COA8: variants seen among roughly 807,000 people sequenced by gnomAD.
COA8 encodes the protein cytochrome c oxidase assembly factor 8.
COA8 carries 20 observed loss-of-function variants against 22.0 expected under a neutral mutation model. The ratio of observed to expected loss-of-function variants is 0.91; its 90% CI spans 0.64 to 1.32. The LOEUF is 1.32. Ranked by LOEUF, COA8 falls within the 40% of genes most tolerant of loss-of-function variation. The pLI is 0.00. For missense variants in COA8, 266 were observed against 230.0 expected (o/e 1.16, Z -1.01); for synonymous variants, 105 against 79.9 (o/e 1.31, Z -1.68).
Position 103,581,741 on chromosome 14 carries a change from G to A in COA8, c.386-5533G>A, listed in dbSNP as rs10151974. 1,917 of 397,420 alleles carry A rather than the reference G, an allele frequency of 4.8e-3. 37 individuals carry two copies. Among genetic ancestry groups the A allele is most frequent in the African/African-American group, 0.036 (1,777 of 48,722 alleles). 24.6% of individuals were successfully genotyped at this position (397,420 alleles called of 1,614,324 possible). Reference sequence around the variant, plus strand: ...AGAACTGAAGGGAAAAGCAGAGCAGGGGGCTGTAGAGTTAAACTGTTCTTC... The same window carrying A: ...AGAACTGAAGGGAAAAGCAGAGCAGAGGGCTGTAGAGTTAAACTGTTCTTC... On this transcript the variant is annotated intron_variant, in intron 3 of 4. Transcript: ENST00000409074. This position sits in a 1 kb window ranked among gnomAD's most constrained non-coding sequence, Gnocchi z 4.1.
intron 1 of COA8, among the ~76,000 whole-genome samples, chr14:103,567,200 C>G (rs576070255): frequency 4.6e-5 from 7 of 152,156 alleles, no homozygotes; most frequent in South Asian, 4.1e-4. Context: ...TGGTGAAACA[C>G]CGTCTCTACT....
chr14:103,588,193 A>G (rs1279074548), intron 4 of COA8: 2 of 383,846 alleles, frequency 5.2e-6, no homozygotes, highest in Non-Finnish European at 9.2e-6. Flanking sequence ...GGTGAAATTA[A>G]TAGGACATGA....
chr14:103,583,439 G>A (rs1207502166), intron 3 of COA8, among the ~76,000 whole-genome samples: 1 of 151,300 alleles, frequency 6.6e-6, no homozygotes, highest in African/African-American at 2.4e-5. Context: ...TACTCGGGAG[G>A]CTGAAGCAGG....
chr14:103,574,300 T>A, intron 3 of COA8, 130 bp downstream of exon 3: 1 of 1,229,646 alleles, frequency 8.1e-7, no homozygotes, highest in Non-Finnish European at 1.2e-6. Flanking sequence ...GGGGCAGTGC[T>A]CGGCACACCC....
intron 3 of COA8, among the ~76,000 whole-genome samples, chr14:103,575,279 C>T (rs1329875805): frequency 6.6e-6 from 1 of 152,258 alleles, no homozygotes; most frequent in African/African-American, 2.4e-5. Context: ...AGCCACTCTC[C>T]TAACAGATGG....
At chr14:103,585,790 G>T (rs929217812) in intron 3 of COA8, among the ~76,000 whole-genome samples, 1 of 151,788 alleles carries the variant, frequency 6.6e-6, no homozygotes, top group Admixed American at 6.6e-5. Context: ...TGGCCAGGAT[G>T]GTCTCGATCT....
chr14:103,576,379 C>G (rs1555413298), intron 3 of COA8, among the ~76,000 whole-genome samples: 1 of 152,148 alleles, frequency 6.6e-6, no homozygotes, highest in Non-Finnish European at 1.5e-5. Flanking sequence ...TGTAGAGCAT[C>G]TAATAGGATA....
Position 103,590,164 on chromosome 14 carries a change from C to A in COA8, c.477-17C>A. On this transcript the variant is annotated splice_polypyrimidine_tract_variant and intron_variant, in intron 4 of 4. Transcript: ENST00000409074. ...CCCTGCCACCGTGTCACCTGTGCAT[C>A]CTCTGTTTCTCTACAGAGATTGGTA... The A allele has an allele frequency of 6.2e-7, 1 of 1,606,648 alleles. No individual in the cohort carries two copies. Among genetic ancestry groups the A allele is most frequent in the Non-Finnish European group, 8.5e-7 (1 of 1,173,512 alleles).
intron 3 of COA8, among the ~76,000 whole-genome samples, chr14:103,583,640 C>T (rs769623632): frequency 2.6e-5 from 4 of 151,712 alleles, no homozygotes; most frequent in African/African-American, 9.7e-5. Flanking sequence ...TCAACACCAG[C>T]TATAGGTGTC....
In COA8 at chr14:103,570,984, G is replaced by A. The variant is rs139489533; in HGVS notation, c.124-639G>A. 2.2e-4 allele frequency among the ~76,000 whole-genome samples: 34 copies of A among 152,186 alleles called. No individual in the cohort carries two copies. The East Asian group carries it at 6.2e-3, about 28-fold the overall frequency. ...CAGGAGGAGCCATCACGTTGGACTT[G>A]CAAAAAACCTGAAAAGATATCTCAA... On this transcript the variant is annotated intron_variant, in intron 1 of 4. Transcript: ENST00000409074.
intron 1 of COA8, among the ~76,000 whole-genome samples, chr14:103,570,139 G>A (rs1038528442): frequency 6.6e-6 from 1 of 152,092 alleles, no homozygotes; most frequent in Non-Finnish European, 1.5e-5. Flanking sequence ...TTACAGGCGT[G>A]AGCCACCGCA....
Position 103,563,046 on chromosome 14 carries a change from C to A in COA8, c.45C>A (p.Leu15=), listed in dbSNP as rs762675324. The part of the protein sequence containing the change: ...RAGKKTFLPP[L]CRAFACRGCQ... ...GGAAGAAGACCTTTCTCCCCCCTCT[C>A]TGCCGCGCCTTCGCCTGCCGCGGCT... The change falls in exon 1 of 5, where the codon CTC becomes CTA. Residue 15 remains leucine (L), a synonymous_variant. Coordinates refer to ENST00000409074, the MANE Select transcript of COA8 (RefSeq NM_001370595.2). The A allele has an allele frequency of 6.5e-7, 1 of 1,541,954 alleles. No individual in the cohort carries two copies. The highest frequency in any genetic ancestry group is 1.2e-5 in the South Asian group (1 of 84,782).
In COA8 at chr14:103,563,044, C is replaced by G. The variant is rs774809741; in HGVS notation, c.43C>G (p.Leu15Val). Reference protein sequence around the residue: ...RAGKKTFLPPLCRAFACRGCQ... With the variant: ...RAGKKTFLPPVCRAFACRGCQ... ...GGGGAAGAAGACCTTTCTCCCCCCT[C>G]TCTGCCGCGCCTTCGCCTGCCGCGG... The change falls in exon 1 of 5, where the codon CTC becomes GTC. Residue 15 changes from leucine to valine, a missense_variant. By Grantham distance (32) the Leu-to-Val change is conservative. Transcript: ENST00000409074. 1.3e-6 allele frequency: 2 copies of G among 1,542,814 alleles called. No homozygotes were observed. Among genetic ancestry groups the G allele is most frequent in the South Asian group, 1.2e-5 (1 of 84,890 alleles).
chr14:103,586,179 G>C (rs548322786), intron 3 of COA8, among the ~76,000 whole-genome samples: 8 of 142,458 alleles, frequency 5.6e-5, no homozygotes, highest in Admixed American at 1.5e-4. Context: ...GAGATTATAG[G>C]CGTGAGCCAC....
At chr14:103,585,819 T>C (rs909053357) in intron 3 of COA8, among the ~76,000 whole-genome samples, 9 of 151,966 alleles carry the variant, frequency 5.9e-5, no homozygotes, top group African/African-American at 2.2e-4. Flanking sequence ...TGTGATCCAC[T>C]TGCCTCGGCC....
intron 3 of COA8, among the ~76,000 whole-genome samples, chr14:103,578,740 T>C (rs1490557222): frequency 1.3e-5 from 2 of 151,880 alleles, no homozygotes; most frequent in African/African-American, 4.8e-5. Flanking sequence ...GGCCTGGGGG[T>C]GTTTGAGCCA....
At chr14:103,578,410 C>A (rs1055764742) in intron 3 of COA8, among the ~76,000 whole-genome samples, 1 of 152,184 alleles carries the variant, frequency 6.6e-6, no homozygotes, top group African/African-American at 2.4e-5. Flanking sequence ...CAGCAGAATA[C>A]TGTGATTTCA....
chr14:103,579,904 A>G (rs1229778361), intron 3 of COA8, among the ~76,000 whole-genome samples: 1 of 145,694 alleles, frequency 6.9e-6, no homozygotes, highest in Non-Finnish European at 1.5e-5. Context: ...TGGAGGCTGC[A>G]GTGAGCCGAG....
intron 4 of COA8, chr14:103,588,169 G>A: frequency 1.4e-5 from 3 of 213,774 alleles, no homozygotes; most frequent in Non-Finnish European, 1.8e-5. Flanking sequence ...AGATAATAAT[G>A]ACCTGTATTT....
Sources: allele counts gnomAD v4.1 joint callset (sites outside exome capture counted in the v4.1 genomes callset), GRCh38; gene constraint gnomAD v4.1.1; non-coding constraint Gnocchi (gnomAD v3.1); transcripts MANE v1.5; gene names NCBI Gene and HGNC (gene_info 2026-07-23, HGNC 2026-07-21).